PAMR1: variants seen among roughly 807,000 people sequenced by gnomAD.
PAMR1 encodes the protein inactive serine protease PAMR1.
In PAMR1, 88 loss-of-function variants were observed where a neutral mutation model predicts 81.8. The ratio of observed to expected loss-of-function variants is 1.08; its 90% CI spans 0.91 to 1.28. The LOEUF (loss-of-function observed/expected upper bound fraction) is 1.28. Among genes scored for constraint, PAMR1 ranks in the 50% most tolerant of loss-of-function variants. The pLI is 0.00. For missense variants in PAMR1, 935 were observed against 919.7 expected (o/e 1.02, Z -0.21); for synonymous variants, 336 against 345.3 (o/e 0.97, Z 0.30).
At chr11:35,489,240 C>A (rs1216612547) in intron 3 of PAMR1, among the ~76,000 whole-genome samples, 5 of 152,192 alleles carry the variant, frequency 3.3e-5, no homozygotes, top group African/African-American at 1.2e-4. Flanking sequence ...TCCAGCTTAT[C>A]TCATGTGGAA....
chr11:35,471,976 G>A (rs983331175), intron 4 of PAMR1, among the ~76,000 whole-genome samples: 3 of 151,590 alleles, frequency 2.0e-5, no homozygotes, highest in African/African-American at 7.3e-5. Flanking sequence ...CCAGCATTAG[G>A]GAACACTGGA....
chr11:35,449,476 C>T (rs1333995345), intron 6 of PAMR1, among the ~76,000 whole-genome samples: 4 of 152,236 alleles, frequency 2.6e-5, no homozygotes, highest in Non-Finnish European at 5.9e-5. Context: ...CCAGGTCCCA[C>T]CTAAAGAAGC....
intron 8 of PAMR1, chr11:35,436,348 G>A (rs1460191485): frequency 1.4e-5 from 7 of 501,390 alleles, no homozygotes; most frequent in Non-Finnish European, 2.5e-5. Flanking sequence ...GTAGTGATGC[G>A]ATCTTGGCTC....
At chr11:35,483,478 C>G (rs1850439554) in intron 3 of PAMR1, among the ~76,000 whole-genome samples, 1 of 152,068 alleles carries the variant, frequency 6.6e-6, no homozygotes, top group Non-Finnish European at 1.5e-5. Context: ...GCCTTGGAGT[C>G]TCTTCTAGAT....
intron 3 of PAMR1, among the ~76,000 whole-genome samples, chr11:35,481,522 TTGTTTG>T (rs1258520190): frequency 6.6e-6 from 1 of 152,048 alleles, no homozygotes; most frequent in Non-Finnish European, 1.5e-5. Context: ...GTTTGTTTGT[TTGTTTG>T]TTTGTTTGTT....
chr11:35,444,767 T>C (rs1452309209), intron 6 of PAMR1, among the ~76,000 whole-genome samples: 1 of 152,138 alleles, frequency 6.6e-6, no homozygotes, highest in East Asian at 1.9e-4. Context: ...TTGAAGTTGG[T>C]TAGTGTGATG....
In PAMR1 at chr11:35,432,800, G is replaced by A. The variant is rs759304664; in HGVS notation, c.1719C>T (p.Ser573=). 5 of 1,608,932 alleles carry A rather than the reference G, an allele frequency of 3.1e-6. No homozygotes were observed. In the South Asian group the frequency reaches 4.4e-5, roughly 14 times the overall value. The change falls in exon 11 of 11, where the codon AGC becomes AGT. Residue 573 remains serine (S), a synonymous_variant. Coordinates refer to ENST00000619888, the MANE Select transcript of PAMR1 (RefSeq NM_001001991.3). The part of the protein sequence containing the change: ...ILKLLDKARI[S]TRVQPICLAA... Reference sequence around the variant, plus strand: ...CGAGGCAGATGGGCTGGACTCGGGTGCTGATACGGGCCTTGTCTAGGAGCT... The same window carrying A: ...CGAGGCAGATGGGCTGGACTCGGGTACTGATACGGGCCTTGTCTAGGAGCT...
intron 1 of PAMR1, among the ~76,000 whole-genome samples, chr11:35,505,816 T>C (rs1454220494): frequency 6.6e-6 from 1 of 152,128 alleles, no homozygotes; most frequent in Non-Finnish European, 1.5e-5. Context: ...TCATTCTATG[T>C]CTTTTAGTTT....
At chr11:35,502,436 G>T (rs747247906) in intron 1 of PAMR1, among the ~76,000 whole-genome samples, 1 of 152,074 alleles carries the variant, frequency 6.6e-6, no homozygotes. Context: ...ACAGGCCCCA[G>T]TGTGGGTTAT....
chr11:35,456,559 T>G lies in PAMR1; in HGVS notation c.820+11442A>C, dbSNP rs1856536890. On this transcript the variant is annotated intron_variant, in intron 6 of 10. Coordinates refer to ENST00000619888, the MANE Select transcript of PAMR1 (RefSeq NM_001001991.3). ...TTCTCCCTGTGGTACTAGATAGAAC[T>G]GTTGATGCAGAGATCACCATTTAAC... Among the ~76,000 whole-genome samples, 3 of 152,314 alleles carry G rather than the reference T, an allele frequency of 2.0e-5. No homozygotes were observed. The South Asian group carries it at 6.2e-4, about 32-fold the overall frequency.
chr11:35,434,131 G>A (rs573639982), intron 10 of PAMR1, among the ~76,000 whole-genome samples: 12 of 152,134 alleles, frequency 7.9e-5, no homozygotes, highest in African/African-American at 2.4e-4. Flanking sequence ...TGGAGCTAAC[G>A]GTTTCAGGCA....
intron 1 of PAMR1, among the ~76,000 whole-genome samples, chr11:35,511,047 T>C (rs962171265): frequency 3.9e-5 from 6 of 152,228 alleles, no homozygotes; most frequent in Admixed American, 3.3e-4. Flanking sequence ...TCAATGAGAA[T>C]AGCAAGTCAT....
chr11:35,494,183 A>T lies in PAMR1; in HGVS notation c.163T>A (p.Cys55Ser). ...CCCACGACTTCCCTCTTTCCGGGGC[A>T]GACGCACTCAATCTGATCATATTCA... is the stretch of plus-strand genomic sequence containing the variant. ...CCEYDQIECV[C>S]PGKREVVGYT... Residue 55 changes from cysteine (C) to serine (S), a missense_variant, in exon 2 of 11, where the codon TGC (cysteine) becomes AGC (serine). Cys to Ser is a moderately radical substitution (Grantham distance 112). Coordinates refer to ENST00000619888, the MANE Select transcript of PAMR1 (RefSeq NM_001001991.3). 1 of 1,614,110 alleles carries T rather than the reference A, an allele frequency of 6.2e-7. No individual in the cohort carries two copies. Among genetic ancestry groups the T allele is most frequent in the South Asian group, 1.1e-5 (1 of 91,076 alleles).
chr11:35,432,015 G>T lies in PAMR1; in HGVS notation c.*341C>A, dbSNP rs747721930. On this transcript the variant is annotated 3_prime_UTR_variant, in exon 11 of 11. Transcript: ENST00000619888. ...CTCAAAAGGGGCCTCATGAAGCCCAGATCTTCCCTGGTCAAGCTGATGGCA... is the reference window on the plus strand; with the variant it reads ...CTCAAAAGGGGCCTCATGAAGCCCATATCTTCCCTGGTCAAGCTGATGGCA... The T allele has an allele frequency of 3.6e-6, 1 of 274,944 alleles. No homozygotes were observed. The highest frequency in any genetic ancestry group is 2.2e-5 in the African/African-American group (1 of 45,560). The allele number at this position is 274,944 out of a possible 1,614,324, so 17.0% of individuals were successfully genotyped here. A position where few individuals can be genotyped will look rare whatever the true frequency, so the allele number is the denominator to read the frequency against.
chr11:35,435,714 G>T (rs1191634103), intron 9 of PAMR1, among the ~76,000 whole-genome samples, 189 bp downstream of exon 9: 1 of 151,996 alleles, frequency 6.6e-6, no homozygotes, highest in Non-Finnish European at 1.5e-5. Context: ...CTAAGATTTA[G>T]TGAGTCAATT....
intron 6 of PAMR1, among the ~76,000 whole-genome samples, chr11:35,462,064 C>T (rs1242962777): frequency 2.0e-5 from 3 of 149,724 alleles, no homozygotes; most frequent in Admixed American, 6.6e-5. Flanking sequence ...TCTCCCTGTC[C>T]GTTTAACAAA....
At position 35,470,820 on chromosome 11, in the gene PAMR1, T is replaced by G. The variant is rs1856842287; in HGVS notation, c.495-2A>C. ...AACTCCAGGCTCAACATGACAAATC[T>G]GTGGGTGGACAGGGTGACGGAGGGA... On this transcript the variant is annotated splice_acceptor_variant, in intron 4 of 10. Transcript: ENST00000619888. LOFTEE classifies it high-confidence loss of function. The G allele has an allele frequency of 1.2e-6, 2 of 1,611,552 alleles. No homozygotes were observed. The highest frequency in any genetic ancestry group is 2.2e-5 in the South Asian group (2 of 91,004).
intron 3 of PAMR1, among the ~76,000 whole-genome samples, chr11:35,488,773 A>G (rs1160783896): frequency 7.5e-6 from 1 of 133,090 alleles, no homozygotes; most frequent in Non-Finnish European, 1.5e-5. Context: ...GGGTTTCACC[A>G]TGTTGCTCAG....
rs1344426630 is a variant in PAMR1, at chr11:35,446,385, AGTTT to A, written c.821-4696_821-4693del. Reference sequence around the variant, plus strand: ...ATTTCTTGTCTTCTGCTAGCTTTGGAGTTTGTTTGTTCTTAGTTCTCTAGTTATT... The same window carrying A: ...ATTTCTTGTCTTCTGCTAGCTTTGGAGTTTGTTCTTAGTTCTCTAGTTATT... On this transcript the variant is annotated intron_variant, in intron 6 of 10. Transcript: ENST00000619888. 2.6e-5 allele frequency among the ~76,000 whole-genome samples: 4 copies of A among 151,776 alleles called. No individual in the cohort carries two copies. In the East Asian group the frequency reaches 7.7e-4, roughly 29 times the overall value.
Sources: gnomAD v4.1 joint callset for allele counts (sites outside exome capture counted in the v4.1 genomes callset) on GRCh38, gnomAD v4.1.1 for gene constraint, MANE v1.5 for transcripts, NCBI Gene and HGNC (gene_info 2026-07-23, HGNC 2026-07-21) for gene names.